MYBPC2: variants seen among roughly 807,000 people sequenced by gnomAD.
MYBPC2 encodes myosin-binding protein C, fast-type.
Under a neutral mutation model 137.0 loss-of-function variants are expected in MYBPC2, and 122 were observed. The observed-to-expected ratio is 0.89, with a 90% CI of 0.77 to 1.03. The LOEUF is 1.03. Ranked by LOEUF, MYBPC2 falls within the 50% of genes least tolerant of loss-of-function variation. The probability of loss-of-function intolerance (pLI) is 0.00; values close to 1 mark genes in which losing one functional copy is unlikely to be tolerated. For synonymous variants in MYBPC2, 626 were observed against 612.3 expected (o/e 1.02, Z -0.33); for missense variants, 1,500 against 1,534.4 (o/e 0.98, Z 0.37).
At chr19:50,442,512 C>T (rs551773383) in intron 9 of MYBPC2, among the ~76,000 whole-genome samples, 199 bp downstream of exon 9, 4 of 152,118 alleles carry the variant, frequency 2.6e-5, no homozygotes, top group Admixed American at 6.5e-5. Context: ...GTCAGGGGTT[C>T]GAGACCAGCC....
chr19:50,440,853 G>C, intron 7 of MYBPC2, 27 bp from the exon 8 acceptor site: 3 of 1,595,072 alleles, frequency 1.9e-6, no homozygotes, highest in Non-Finnish European at 2.6e-6. Context: ...CTCCCTGATG[G>C]CCCCTGTCCG....
intron 7 of MYBPC2, among the ~76,000 whole-genome samples, chr19:50,438,190 T>G (rs537226948): frequency 6.6e-6 from 1 of 152,148 alleles, no homozygotes; most frequent in African/African-American, 2.4e-5. Context: ...TGCCAATCTA[T>G]CTACCCACAT....
At chr19:50,461,315 G>A (rs977819661) in intron 24 of MYBPC2, among the ~76,000 whole-genome samples, 6 of 152,120 alleles carry the variant, frequency 3.9e-5, no homozygotes, top group African/African-American at 1.4e-4. Context: ...CCTTCTTAGC[G>A]TTGAATGATG....
chr19:50,440,749 G>A (rs2039746243), intron 7 of MYBPC2, 131 bp from the exon 8 acceptor site: 1 of 878,560 alleles, frequency 1.1e-6, no homozygotes, highest in African/African-American at 1.7e-5. Context: ...CAATGGACCA[G>A]GCGGGAAACA....
chr19:50,440,673 A>C (rs1426268460), intron 7 of MYBPC2, among the ~76,000 whole-genome samples: 1 of 151,262 alleles, frequency 6.6e-6, no homozygotes, highest in East Asian at 1.9e-4. Context: ...AAAAAAAAAA[A>C]AAACCAAAAA....
chr19:50,462,873 A>G (rs989936973), intron 26 of MYBPC2, among the ~76,000 whole-genome samples: 17 of 150,052 alleles, frequency 1.1e-4, no homozygotes, highest in Non-Finnish European at 1.5e-4. Context: ...TTGTCCCCTG[A>G]CTGCCAGGTA....
At position 50,435,092 on chromosome 19, in the gene MYBPC2, C is replaced by G. The variant is rs1181168319; in HGVS notation, c.20-69C>G. 3 of 723,350 alleles carry G rather than the reference C, an allele frequency of 4.1e-6. No homozygotes were observed. In the African/African-American group the frequency reaches 5.4e-5, roughly 13 times the overall value. The allele number at this position is 723,350 out of a possible 1,614,324, so 44.8% of individuals were successfully genotyped here. On this transcript the variant is annotated intron_variant, in intron 1 of 27. Coordinates refer to ENST00000357701, the MANE Select transcript of MYBPC2 (RefSeq NM_004533.4). This position sits in a 1 kb window ranked among gnomAD's most constrained non-coding sequence, Gnocchi z 4.8. ...GAGGAGGGGCTGGGGGGTCTGGACT[C>G]CTGCGTCTGAGGGAGGGGCATGGGT...
rs767772759 is a variant in MYBPC2, at chr19:50,448,255, C to T, written c.1337C>T (p.Ala446Val). ...EKQLEVLQDI[A>V]DLTVKASEQA... Reference sequence around the variant, plus strand: ...CAGCTGGAGGTCCTGCAGGACATCGCGGATCTGACGGTGAAGGCCTCAGAA... The same window carrying T: ...CAGCTGGAGGTCCTGCAGGACATCGTGGATCTGACGGTGAAGGCCTCAGAA... Residue 446 changes from alanine to valine, a missense_variant, in exon 13 of 28, where the codon GCG (alanine) becomes GTG (valine). Physicochemically the swap from Ala to Val is moderately conservative, Grantham distance 64 (BLOSUM62 0). Transcript: ENST00000357701. The T allele has an allele frequency of 1.2e-5, 19 of 1,613,656 alleles. No homozygotes were observed. The highest frequency in any genetic ancestry group is 1.7e-5 in the Admixed American group (1 of 59,988).
At position 50,461,548 on chromosome 19, in the gene MYBPC2, T is replaced by A; in HGVS notation, c.2938T>A (p.Phe980Ile). 2 of 1,613,212 alleles carry A rather than the reference T, an allele frequency of 1.2e-6. No homozygotes were observed. Among genetic ancestry groups the A allele is most frequent in the Non-Finnish European group, 1.7e-6 (2 of 1,179,606 alleles). The change falls in exon 25 of 28, where the codon TTC becomes ATC. Residue 980 changes from phenylalanine (F) to isoleucine (I), a missense_variant. Phe to Ile is a conservative substitution (Grantham distance 21, BLOSUM62 0). Transcript: ENST00000357701. ...QKADKKTMEWFNVYERNRHTS... is the reference protein window; with the variant it reads ...QKADKKTMEWINVYERNRHTS... ...CTCCCTGTCCCCACACTAGGAGTGG[T>A]TCAACGTCTATGAACGTAACAGGCA...
intron 18 of MYBPC2, 144 bp downstream of exon 18, chr19:50,454,513 C>T: frequency 1.4e-6 from 1 of 702,066 alleles, no homozygotes; most frequent in Non-Finnish European, 2.3e-6. Context: ...GCAACCTCTG[C>T]CTCCTGGGTA....
In MYBPC2 at chr19:50,454,151, C is replaced by A; in HGVS notation, c.1881C>A (p.Asp627Glu). Residue 627 changes from aspartate (D) to glutamate (E), a missense_variant, in exon 17 of 28, where the codon GAC (aspartate) becomes GAA (glutamate). By Grantham distance (45) the Asp-to-Glu change is conservative. Coordinates refer to ENST00000357701, the MANE Select transcript of MYBPC2 (RefSeq NM_004533.4). The stretch of plus-strand genomic sequence containing the variant: ...AGGTCACCAACCCCGTCGGCGAGGA[C>A]GTGGCTTCCATCTTCCTGCAAGTTG... The part of the protein sequence containing the change: ...TIKVTNPVGE[D>E]VASIFLQVVD... 1 of 1,613,826 alleles carries A rather than the reference C, an allele frequency of 6.2e-7. No individual in the cohort carries two copies. The highest frequency in any genetic ancestry group is 8.5e-7 in the Non-Finnish European group (1 of 1,179,836).
At chr19:50,444,651 C>T (rs1762192893) in intron 11 of MYBPC2, among the ~76,000 whole-genome samples, 1 of 151,860 alleles carries the variant, frequency 6.6e-6, no homozygotes, top group Admixed American at 6.6e-5. Flanking sequence ...GAGGCCGAGA[C>T]GGGCGGATCA....
chr19:50,452,552 C>T (rs1203288120), intron 16 of MYBPC2, among the ~76,000 whole-genome samples: 2 of 136,710 alleles, frequency 1.5e-5, no homozygotes, highest in South Asian at 4.7e-4. Context: ...ATCTATCTAT[C>T]TATCTATGTA....
chr19:50,461,895 C>T lies in MYBPC2; in HGVS notation c.3092-5C>T. 1 of 1,594,568 alleles carries T rather than the reference C, an allele frequency of 6.3e-7. No homozygotes were observed. Among genetic ancestry groups the T allele is most frequent in the Non-Finnish European group, 8.5e-7 (1 of 1,170,086 alleles). On this transcript the variant is annotated splice_polypyrimidine_tract_variant and splice_region_variant and intron_variant, in intron 25 of 27. Transcript: ENST00000357701. ...TCGCCTTACGGGTGCATCCTCTCTC[C>T]CCAGGAATCACCTTCAAACCGTTCG...
Position 50,452,008 on chromosome 19 carries a change from G to T in MYBPC2, c.1749+5G>T. ...ACCTGGCTGAAGGGAGATGAGGTGG[G>T]TTGGGGCCGCCCCTCTGTCCTCACT... On this transcript the variant is annotated splice_donor_5th_base_variant and intron_variant, in intron 16 of 27. Transcript: ENST00000357701. The T allele has an allele frequency of 2.6e-6, 4 of 1,551,996 alleles. No individual in the cohort carries two copies. Among genetic ancestry groups the T allele is most frequent in the South Asian group, 1.2e-5 (1 of 84,070 alleles).
At position 50,458,958 on chromosome 19, in the gene MYBPC2, CT is replaced by C; in HGVS notation, c.2548del (p.Tyr850ThrfsTer63). The C allele has an allele frequency of 1.2e-6, 2 of 1,612,898 alleles. No homozygotes were observed. The highest frequency in any genetic ancestry group is 2.2e-5 in the South Asian group (2 of 90,934). ...GGCTTCCCCGCCATCTCCGCCAGAC[CT>C]ACATCCGCAAAGTGGGCGAGCAGCT... is the stretch of plus-strand genomic sequence containing the variant. ...IRLPRHLRQTYIRKVGEQLNL... is the reference protein window; with the variant it reads ...IRLPRHLRQTXIRKVGEQLNL... On this transcript the variant is annotated frameshift_variant, in exon 22 of 28. Coordinates refer to ENST00000357701, the MANE Select transcript of MYBPC2 (RefSeq NM_004533.4). LOFTEE classifies it high-confidence loss of function.
intron 4 of MYBPC2, among the ~76,000 whole-genome samples, chr19:50,436,386 A>G (rs2039703876): frequency 1.3e-5 from 2 of 152,084 alleles, no homozygotes; most frequent in Non-Finnish European, 1.5e-5. Flanking sequence ...GGTCATGTAC[A>G]TTCCTGGCAA....
intron 1 of MYBPC2, among the ~76,000 whole-genome samples, chr19:50,434,092 T>A (rs1196095967): frequency 6.6e-6 from 1 of 150,554 alleles, no homozygotes; most frequent in Admixed American, 6.6e-5. Flanking sequence ...GTGCGGTGGC[T>A]CATACCTGTA....
chr19:50,451,022 G>T, intron 14 of MYBPC2, 87 bp downstream of exon 14: 1 of 1,269,418 alleles, frequency 7.9e-7, no homozygotes. Flanking sequence ...CCAGGATTAA[G>T]GTTCCCCGAG....
Sources: gnomAD v4.1 joint callset for allele counts (sites outside exome capture counted in the v4.1 genomes callset) on GRCh38, gnomAD v4.1.1 for gene constraint, Gnocchi (gnomAD v3.1) non-coding constraint, MANE v1.5 for transcripts, NCBI Gene and HGNC (gene_info 2026-07-23, HGNC 2026-07-21) for gene names.